PIP4K2A: variants seen among roughly 807,000 people sequenced by gnomAD.
PIP4K2A encodes phosphatidylinositol 5-phosphate 4-kinase type-2 alpha.
Under a neutral mutation model 42.9 loss-of-function variants are expected in PIP4K2A, and 14 were observed. That is an observed-to-expected ratio of 0.33 (90% CI 0.22 to 0.51). The LOEUF (loss-of-function observed/expected upper bound fraction) is 0.51. Among genes scored for constraint, PIP4K2A ranks in the 20% least tolerant of loss-of-function variants. The probability of loss-of-function intolerance (pLI) is 0.97; values close to 1 mark genes in which losing one functional copy is unlikely to be tolerated. For synonymous variants in PIP4K2A, 192 were observed against 192.2 expected (o/e 1.00, Z 0.01); for missense variants, 434 against 519.8 (o/e 0.83, Z 1.61).
chr10:22,633,943 G>A (rs1001707732), intron 1 of PIP4K2A, among the ~76,000 whole-genome samples: 9 of 152,188 alleles, frequency 5.9e-5, no homozygotes, highest in African/African-American at 1.9e-4. Flanking sequence ...CCACAACAGT[G>A]CCTGGCTCAG....
chr10:22,622,326 CCATGCCATCCCATCGCATGAGAGGCA>C (rs1432182310), intron 1 of PIP4K2A, among the ~76,000 whole-genome samples: 1 of 152,196 alleles, frequency 6.6e-6, no homozygotes, highest in East Asian at 1.9e-4. Flanking sequence ...CTGTTGCTGT[CCATGCCATCCCATCGCATGAGAGGCA>C]CAGGACTGAT....
intron 1 of PIP4K2A, among the ~76,000 whole-genome samples, chr10:22,687,086 G>A (rs536233018): frequency 5.5e-4 from 84 of 151,520 alleles, no homozygotes; most frequent in African/African-American, 2.0e-3. Context: ...CTCATGATGC[G>A]GCATGCTATG....
At chr10:22,578,441 G>A (rs1008277856) in intron 4 of PIP4K2A, among the ~76,000 whole-genome samples, 1 of 152,168 alleles carries the variant, frequency 6.6e-6, no homozygotes, top group Non-Finnish European at 1.5e-5. Flanking sequence ...TGAACCCCAT[G>A]AGCAAACAGC....
chr10:22,562,323 T>C (rs1293095926), intron 6 of PIP4K2A, among the ~76,000 whole-genome samples: 1 of 151,936 alleles, frequency 6.6e-6, no homozygotes, highest in Non-Finnish European at 1.5e-5. Context: ...CCGAGGCGGG[T>C]GGATCACGAG....
intron 1 of PIP4K2A, among the ~76,000 whole-genome samples, chr10:22,642,249 G>A (rs1838796435): frequency 6.6e-6 from 1 of 152,064 alleles, no homozygotes; most frequent in African/African-American, 2.4e-5. Flanking sequence ...AGTCTGAATT[G>A]GGTTTCTGTC....
intron 1 of PIP4K2A, among the ~76,000 whole-genome samples, chr10:22,669,482 C>CA (rs1839408797): frequency 6.6e-6 from 1 of 151,966 alleles, no homozygotes; most frequent in South Asian, 2.1e-4. Flanking sequence ...AACAAACAAA[C>CA]AAAAAACAAC....
At chr10:22,631,322 T>C (rs1308739949) in intron 1 of PIP4K2A, among the ~76,000 whole-genome samples, 2 of 152,118 alleles carry the variant, frequency 1.3e-5, no homozygotes, top group African/African-American at 2.4e-5. Context: ...TAAGGCTAAA[T>C]GAGTTCATCA....
At chr10:22,641,934 C>T (rs1476269399) in intron 1 of PIP4K2A, 1 of 152,278 alleles carries the variant, frequency 6.6e-6, no homozygotes, top group African/African-American at 2.4e-5. Context: ...CAAGGCTGGC[C>T]CCAAGCCCAA....
At chr10:22,695,862 T>C (rs1839959746) in intron 1 of PIP4K2A, among the ~76,000 whole-genome samples, 1 of 152,190 alleles carries the variant, frequency 6.6e-6, no homozygotes, top group South Asian at 2.1e-4. Context: ...TCCTTTAATA[T>C]TTTCGACCCG....
At chr10:22,540,374 T>C (rs893885006) in intron 8 of PIP4K2A, among the ~76,000 whole-genome samples, 5 of 152,138 alleles carry the variant, frequency 3.3e-5, no homozygotes, top group African/African-American at 1.2e-4. Flanking sequence ...CTTTTTTTTT[T>C]TTTAATTTGC....
At chr10:22,667,110 T>C (rs530515474) in intron 1 of PIP4K2A, among the ~76,000 whole-genome samples, 1 of 152,244 alleles carries the variant, frequency 6.6e-6, no homozygotes, top group African/African-American at 2.4e-5. Flanking sequence ...AAGTCCTTCA[T>C]CAGAGTCAGA....
intron 1 of PIP4K2A, among the ~76,000 whole-genome samples, chr10:22,679,874 G>C (rs1050531377): frequency 2.0e-5 from 3 of 152,102 alleles, no homozygotes; most frequent in Non-Finnish European, 4.4e-5. Context: ...CTGGGGGTAG[G>C]GGTTGGGGGA....
At chr10:22,685,198 T>C (rs779146219) in intron 1 of PIP4K2A, among the ~76,000 whole-genome samples, 5 of 152,294 alleles carry the variant, frequency 3.3e-5, no homozygotes, top group Non-Finnish European at 5.9e-5. Context: ...TAAGAGATTA[T>C]ATCCAGATAA....
At chr10:22,662,533 C>T (rs968447733) in intron 1 of PIP4K2A, among the ~76,000 whole-genome samples, 3 of 152,186 alleles carry the variant, frequency 2.0e-5, no homozygotes, top group African/African-American at 7.2e-5. Context: ...GGGTACTTGC[C>T]TTCAGTGTTC....
At chr10:22,564,743 A>G (rs1484082547) in intron 6 of PIP4K2A, among the ~76,000 whole-genome samples, 1 of 152,224 alleles carries the variant, frequency 6.6e-6, no homozygotes, top group Non-Finnish European at 1.5e-5. Context: ...GATGTACAGT[A>G]AAAGGGCAAA....
At chr10:22,707,761 C>T (rs530485272) in intron 1 of PIP4K2A, among the ~76,000 whole-genome samples, 50 of 152,256 alleles carry the variant, frequency 3.3e-4, no homozygotes, top group African/African-American at 1.2e-3. Context: ...TGCGTGCTCT[C>T]CCCACTTTCT....
At chr10:22,563,656 G>A (rs1564422396) in intron 6 of PIP4K2A, among the ~76,000 whole-genome samples, 1 of 152,188 alleles carries the variant, frequency 6.6e-6, no homozygotes, top group Non-Finnish European at 1.5e-5. Flanking sequence ...ACAAGGCAGT[G>A]TGGCATAGTG....
intron 3 of PIP4K2A, among the ~76,000 whole-genome samples, chr10:22,602,482 T>C (rs139783156): frequency 3.6e-3 from 541 of 151,832 alleles, no homozygotes; most frequent in African/African-American, 0.013. Flanking sequence ...ACATTGCCAT[T>C]CCCCTGAGCA....
intron 1 of PIP4K2A, among the ~76,000 whole-genome samples, chr10:22,664,028 T>C (rs1839259293): frequency 1.7e-5 from 2 of 118,474 alleles, no homozygotes; most frequent in Admixed American, 8.9e-5. Context: ...TCTCCATATA[T>C]ATACATATAT....
Sources: gnomAD v4.1 joint callset for allele counts (sites outside exome capture counted in the v4.1 genomes callset) on GRCh38, gnomAD v4.1.1 for gene constraint, MANE v1.5 for transcripts, NCBI Gene and HGNC (gene_info 2026-07-23, HGNC 2026-07-21) for gene names.